Variants in ZCCHC2 observed in about 807,000 individuals in gnomAD.
ZCCHC2 encodes the protein zinc finger CCHC-type containing 2.
ZCCHC2 carries 39 observed loss-of-function variants against 103.6 expected under a neutral mutation model. That is an observed-to-expected ratio of 0.38 (90% CI 0.29 to 0.49). The LOEUF (loss-of-function observed/expected upper bound fraction) is 0.49. Ranked by LOEUF, ZCCHC2 falls within the 20% of genes least tolerant of loss-of-function variation. The pLI is 0.96. For missense variants in ZCCHC2, 1,483 were observed against 1,491.0 expected (o/e 0.99, Z 0.09); for synonymous variants, 687 against 608.9 (o/e 1.13, Z -1.89).
At chr18:62,532,685 A>T (rs1015037423) in intron 1 of ZCCHC2, among the ~76,000 whole-genome samples, 6 of 152,192 alleles carry the variant, frequency 3.9e-5, no homozygotes, top group African/African-American at 1.4e-4. Flanking sequence ...TTTTAGATGC[A>T]CATATATCGT....
In ZCCHC2 at chr18:62,524,297, C is replaced by T; in HGVS notation, c.873C>T (p.Leu291=). 3 of 1,548,660 alleles carry T rather than the reference C, an allele frequency of 1.9e-6. No homozygotes were observed. The highest frequency in any genetic ancestry group is 1.7e-4 in the Middle Eastern group (1 of 5,982). ...REHLERLRAA[L]RGGPEDAEVE... is the part of the protein sequence containing the mutation. ...ACTTGGAGAGGCTCCGCGCCGCGCT[C>T]CGCGGGGGCCCCGAGGACGCGGAGG... The change falls in exon 1 of 14, where the codon CTC becomes CTT. Residue 291 remains leucine (L), a synonymous_variant. Coordinates refer to ENST00000269499, the MANE Select transcript of ZCCHC2 (RefSeq NM_017742.6).
intron 1 of ZCCHC2, among the ~76,000 whole-genome samples, chr18:62,532,937 G>A (rs979804489): frequency 2.0e-5 from 3 of 151,970 alleles, no homozygotes; most frequent in Non-Finnish European, 4.4e-5. Context: ...CTCAGGAGGC[G>A]GAGGCAGGAG....
intron 6 of ZCCHC2, 38 bp downstream of exon 6, chr18:62,556,335 T>C: frequency 2.0e-6 from 3 of 1,471,350 alleles, no homozygotes; most frequent in South Asian, 1.3e-5. Context: ...ATCTTTTTTC[T>C]TTGTTGGATT....
At chr18:62,524,548 C>T in intron 1 of ZCCHC2, 185 bp downstream of exon 1, 1 of 856,106 alleles carries the variant, frequency 1.2e-6, no homozygotes, top group South Asian at 2.2e-5. Flanking sequence ...GTTCCACTCC[C>T]CCACCCCACC....
At chr18:62,570,292 G>C in intron 12 of ZCCHC2, 61 bp downstream of exon 12, 2 of 1,568,626 alleles carry the variant, frequency 1.3e-6, no homozygotes, top group Non-Finnish European at 1.7e-6. Flanking sequence ...GGAGGGAAAT[G>C]TGTGTTGTTT....
chr18:62,547,068 T>TA (rs577472501), intron 4 of ZCCHC2, among the ~76,000 whole-genome samples: 95 of 152,264 alleles, frequency 6.2e-4, no homozygotes, highest in African/African-American at 2.2e-3. Flanking sequence ...CTCATGCCTG[T>TA]AATCCCAGCG....
At chr18:62,529,744 CGGGTGCTGGAT>C (rs757751302) in intron 1 of ZCCHC2, among the ~76,000 whole-genome samples, 10 of 152,008 alleles carry the variant, frequency 6.6e-5, no homozygotes, top group Non-Finnish European at 1.3e-4. Context: ...GAGGCGGGAG[CGGGTGCTGGAT>C]GTGGAGAGGA....
intron 8 of ZCCHC2, 116 bp downstream of exon 8, chr18:62,560,760 T>G (rs2145519027): frequency 2.6e-6 from 2 of 772,130 alleles, no homozygotes; most frequent in Non-Finnish European, 4.0e-6. Flanking sequence ...TATTTGCTTT[T>G]TATTTCTTCA....
rs559348720 is a variant in ZCCHC2, at chr18:62,538,415, G to T, written c.940-1266G>T. On this transcript the variant is annotated intron_variant, in intron 1 of 13. Transcript: ENST00000269499. ...AAATTTTTGAGAAGCAGAATCTCTC[G>T]TGGGTAAATGTGGTTTTACATTTTT... 2.6e-5 allele frequency among the ~76,000 whole-genome samples: 4 copies of T among 152,154 alleles called. No homozygotes were observed. The South Asian group carries it at 8.3e-4, about 32-fold the overall frequency.
chr18:62,532,948 G>C (rs1354828552), intron 1 of ZCCHC2, among the ~76,000 whole-genome samples: 5 of 152,138 alleles, frequency 3.3e-5, no homozygotes, highest in Non-Finnish European at 7.4e-5. Context: ...GAGGCAGGAG[G>C]ATCACTTGAG....
intron 4 of ZCCHC2, among the ~76,000 whole-genome samples, chr18:62,549,895 C>T (rs1391140861): frequency 6.6e-6 from 1 of 152,182 alleles, no homozygotes; most frequent in Non-Finnish European, 1.5e-5. Flanking sequence ...GAGAGTAAAA[C>T]GTAAAACAGG....
chr18:62,553,676 A>T (rs939339259), intron 5 of ZCCHC2, among the ~76,000 whole-genome samples: 1 of 152,178 alleles, frequency 6.6e-6, no homozygotes, highest in Non-Finnish European at 1.5e-5. Flanking sequence ...GCAGCACTTT[A>T]TGTCTTCTGA....
intron 9 of ZCCHC2, among the ~76,000 whole-genome samples, chr18:62,563,793 C>G (rs1916227255): frequency 6.6e-6 from 1 of 152,208 alleles, no homozygotes; most frequent in African/African-American, 2.4e-5. Flanking sequence ...CACTGCCTTG[C>G]TATTTGTGAT....
At chr18:62,529,159 C>CAAAAA (rs67299838) in intron 1 of ZCCHC2, among the ~76,000 whole-genome samples, 4 of 67,498 alleles carry the variant, frequency 5.9e-5, no homozygotes, top group Admixed American at 1.7e-4. Context: ...GACAACGTCT[C>CAAAAA]AAAAAAAAAA....
chr18:62,568,182 T>A (rs1916452321), intron 11 of ZCCHC2, among the ~76,000 whole-genome samples: 1 of 152,140 alleles, frequency 6.6e-6, no homozygotes, highest in South Asian at 2.1e-4. Flanking sequence ...AGACTTCTAT[T>A]GTTTATAATT....
chr18:62,559,373 A>C (rs1382750015), intron 7 of ZCCHC2, among the ~76,000 whole-genome samples: 2 of 152,258 alleles, frequency 1.3e-5, no homozygotes, highest in Non-Finnish European at 2.9e-5. Context: ...TGAGATGAGG[A>C]AACCTGAACA....
At chr18:62,526,715 G>T (rs981244284) in intron 1 of ZCCHC2, among the ~76,000 whole-genome samples, 10 of 152,028 alleles carry the variant, frequency 6.6e-5, no homozygotes, top group Admixed American at 3.3e-4. Context: ...GCCGCGACCC[G>T]CCTTAGGGGC....
intron 12 of ZCCHC2, 45 bp from the exon 13 acceptor site, chr18:62,574,012 G>C: frequency 6.5e-7 from 1 of 1,538,528 alleles, no homozygotes; most frequent in Non-Finnish European, 8.8e-7. Context: ...AAGAAAGATG[G>C]GAGTTATGCC....
At position 62,523,376 on chromosome 18, in the gene ZCCHC2, G is replaced by GGGGGGGGCCCCC; in HGVS notation, c.-49_-48insGGGGGGGCCCCC. ...GCCTCGGCCCGTGCTCCACCTCGCG[G>GGGGGGGGCCCCC]CCCCTCCCGCCCGCCCCCGCTCGCA... On this transcript the variant is annotated 5_prime_UTR_variant, in exon 1 of 14. Transcript: ENST00000269499. The GGGGGGGGCCCCC allele has an allele frequency of 4.6e-5, 47 of 1,012,320 alleles. No individual in the cohort carries two copies. Among genetic ancestry groups the GGGGGGGGCCCCC allele is most frequent in the South Asian group, 7.4e-5 (2 of 27,156 alleles). The allele number at this position is 1,012,320 out of a possible 1,614,324, so 62.7% of individuals were successfully genotyped here. A position where few individuals can be genotyped will look rare whatever the true frequency, so the allele number is the denominator to read the frequency against.
Sources: allele counts gnomAD v4.1 joint callset (sites outside exome capture counted in the v4.1 genomes callset), GRCh38; gene constraint gnomAD v4.1.1; transcripts MANE v1.5; gene names NCBI Gene and HGNC (gene_info 2026-07-23, HGNC 2026-07-21).